The following TECR variants were observed in gnomAD, a reference collection of about 807,000 sequenced individuals.
The protein encoded by TECR is trans-2,3-enoyl-CoA reductase.
In TECR, 19 loss-of-function variants were observed where a neutral mutation model predicts 50.6. That is an observed-to-expected ratio of 0.38 (90% CI 0.26 to 0.55). TECR has a LOEUF of 0.55. Among genes scored for constraint, TECR ranks in the 20% least tolerant of loss-of-function variants. The pLI, the probability that TECR is intolerant of heterozygous loss-of-function variation, is 0.79. For missense variants in TECR, 313 were observed against 408.3 expected, an observed-to-expected ratio of 0.77 and a Z score of 2.01; for synonymous variants, 168 against 163.5, an observed-to-expected ratio of 1.03 and a Z score of -0.21.
At chr19:14,555,565 C>T (rs1221061694) in intron 1 of TECR, among the ~76,000 whole-genome samples, 1 of 151,314 alleles carries the variant, frequency 6.6e-6, no homozygotes, top group East Asian at 1.9e-4. Context: ...TGTGCCTCAG[C>T]CTCCCAAGTG....
intron 1 of TECR, among the ~76,000 whole-genome samples, chr19:14,561,407 T>A (rs1474745484): frequency 6.6e-6 from 1 of 152,050 alleles, no homozygotes; most frequent in East Asian, 1.9e-4. Flanking sequence ...ATAGGGTGGG[T>A]CAGATCCCCG....
intron 12 of TECR, 24 bp downstream of exon 12, chr19:14,565,687 C>T: frequency 1.2e-6 from 2 of 1,611,700 alleles, no homozygotes; most frequent in South Asian, 1.1e-5. Flanking sequence ...CCTCCCTCGG[C>T]GGGGCCCTGC....
At chr19:14,562,205 C>T (rs939578616) in intron 1 of TECR, 2 of 600,814 alleles carry the variant, frequency 3.3e-6, no homozygotes, top group Non-Finnish European at 5.9e-6. Flanking sequence ...ACTCGGGTTA[C>T]ATCTGGCACA....
chr19:14,563,192 T>C lies in TECR; in HGVS notation c.67-14T>C. 6.2e-7 allele frequency: 1 copy of C among 1,613,604 alleles called. No homozygotes were observed. Among genetic ancestry groups the C allele is most frequent in the Non-Finnish European group, 8.5e-7 (1 of 1,179,770 alleles). On this transcript the variant is annotated splice_polypyrimidine_tract_variant and intron_variant, in intron 2 of 12. Coordinates refer to ENST00000215567, the MANE Select transcript of TECR (RefSeq NM_138501.6). The surrounding 1 kb of genome is among the most constrained non-coding windows in gnomAD (Gnocchi z 5.3). ...CCCGCAGAGCTGACGTCCCTGCGCC[T>C]GTGCTTCCCCCAGGTGGAGCCCCAC...
chr19:14,552,968 G>T (rs1294154292), intron 1 of TECR, among the ~76,000 whole-genome samples: 2 of 152,122 alleles, frequency 1.3e-5, no homozygotes, highest in African/African-American at 2.4e-5. Context: ...GGGTGGGCCA[G>T]TGCTCCTCGG....
At chr19:14,559,312 G>A (rs1036828403) in intron 1 of TECR, among the ~76,000 whole-genome samples, 7 of 152,016 alleles carry the variant, frequency 4.6e-5, no homozygotes, top group African/African-American at 1.7e-4. Flanking sequence ...AAAGGAGACC[G>A]GGTACCCAGC....
chr19:14,529,731 G>A lies in TECR; in HGVS notation c.15+20G>A. ...TACGAGGTAAGAAGCGAGAAACAGG[G>A]GCCGTGTGGCCACTGCTGACCCATT... On this transcript the variant is annotated intron_variant, in intron 1 of 12. Coordinates refer to ENST00000215567, the MANE Select transcript of TECR (RefSeq NM_138501.6). 2 of 1,614,046 alleles carry A rather than the reference G, an allele frequency of 1.2e-6. No homozygotes were observed. The highest frequency in any genetic ancestry group is 1.7e-6 in the Non-Finnish European group (2 of 1,180,040).
At chr19:14,535,543 AATATATATATATATATATATAT>A (rs747348455) in intron 1 of TECR, among the ~76,000 whole-genome samples, 1,206 of 32,662 alleles carry the variant, frequency 0.037, 34 homozygotes, top group Middle Eastern at 0.083. Context: ...AAAAAAAAAA[AATATATATATATATATATATAT>A]ATATATATAT....
chr19:14,533,102 ACT>A (rs1188293197), intron 1 of TECR, among the ~76,000 whole-genome samples: 2 of 141,466 alleles, frequency 1.4e-5, no homozygotes, highest in South Asian at 2.2e-4. Flanking sequence ...ACAGAGCGAG[ACT>A]CTGTTTTAAA....
At chr19:14,565,529 G>A (rs1644047667) in intron 11 of TECR, 89 bp from the exon 12 acceptor site, 2 of 1,540,632 alleles carry the variant, frequency 1.3e-6, no homozygotes, top group African/African-American at 1.4e-5. Context: ...CAGAAAGCAG[G>A]GGCGGCGGGA....
Position 14,565,790 on chromosome 19 carries a change from C to T in TECR, c.846C>T (p.Ala282=), listed in dbSNP as rs1379732861. ...LVGFTQMTIW[A]KGKHRSYLKE... ...GCTTCACCCAGATGACCATCTGGGCCAAGGGCAAGCACCGCAGCTACCTGA... is the reference window on the plus strand; with the variant it reads ...GCTTCACCCAGATGACCATCTGGGCTAAGGGCAAGCACCGCAGCTACCTGA... Residue 282 remains alanine, a synonymous_variant, in exon 13 of 13, where the codon GCC becomes GCT. Transcript: ENST00000215567. 5.0e-6 allele frequency: 8 copies of T among 1,608,104 alleles called. No individual in the cohort carries two copies. Among genetic ancestry groups the T allele is most frequent in the Non-Finnish European group, 6.8e-6 (8 of 1,178,178 alleles).
chr19:14,558,564 G>A (rs908178217), intron 1 of TECR, among the ~76,000 whole-genome samples: 1 of 152,116 alleles, frequency 6.6e-6, no homozygotes, highest in African/African-American at 2.4e-5. Context: ...TCATCACAGA[G>A]CCACAGGCCG....
At chr19:14,562,718 G>A in intron 2 of TECR, 143 bp downstream of exon 2, 2 of 918,874 alleles carry the variant, frequency 2.2e-6, no homozygotes, top group Non-Finnish European at 3.5e-6. Flanking sequence ...GGGGTAGGGT[G>A]GATAGCCATG....
chr19:14,529,483 A>T, upstream of TECR: 2 of 687,262 alleles, frequency 2.9e-6, no homozygotes, highest in Non-Finnish European at 5.3e-6. Flanking sequence ...TGCTAGTCCT[A>T]GTCTTGGTTC....
rs756045560 is a variant in TECR, at chr19:14,564,335, ACCCCG to A, written c.489+58_489+62del. 3.4e-5 allele frequency: 33 copies of A among 961,436 alleles called. No homozygotes were observed. In the Admixed American group the frequency reaches 4.5e-4, roughly 13 times the overall value. 59.6% of individuals were successfully genotyped at this position (961,436 alleles called of 1,614,324 possible). A position where few individuals can be genotyped will look rare whatever the true frequency, so the allele number is the denominator to read the frequency against. On this transcript the variant is annotated intron_variant, in intron 7 of 12. Transcript: ENST00000215567. ...CCCCTAAGCCCCGCCTTTCTGCCCC[ACCCCG>A]CCCCGCCCCCACCGAGCCCCACCCC...
chr19:14,559,523 C>A (rs1330693916), intron 1 of TECR, among the ~76,000 whole-genome samples: 1 of 151,134 alleles, frequency 6.6e-6, no homozygotes, highest in Non-Finnish European at 1.5e-5. Flanking sequence ...CCAGGTGGCT[C>A]ACGCCTATAA....
At chr19:14,546,767 C>G (rs1014564973) in intron 1 of TECR, among the ~76,000 whole-genome samples, 6 of 152,196 alleles carry the variant, frequency 3.9e-5, no homozygotes, top group Admixed American at 2.6e-4. Context: ...TTGCTGCAAC[C>G]TCCACCTCTG....
chr19:14,546,319 G>A (rs767005828), intron 1 of TECR, among the ~76,000 whole-genome samples: 7 of 152,044 alleles, frequency 4.6e-5, no homozygotes, highest in Non-Finnish European at 8.8e-5. Context: ...AGGTGTAGTG[G>A]CTCACACCTG....
rs540392987 is a variant in TECR, at chr19:14,563,095, C to G, written c.67-111C>G. 1 of 1,398,516 alleles carries G rather than the reference C, an allele frequency of 7.2e-7. No individual in the cohort carries two copies. Among genetic ancestry groups the G allele is most frequent in the African/African-American group, 1.4e-5 (1 of 70,736 alleles). 86.6% of individuals were successfully genotyped at this position (1,398,516 alleles called of 1,614,324 possible). On this transcript the variant is annotated intron_variant, in intron 2 of 12. Transcript: ENST00000215567. This position sits in a 1 kb window ranked among gnomAD's most constrained non-coding sequence, Gnocchi z 5.3. ...AGAGGCCTGGACCCCAGCCCTTCCC[C>G]CTTCCCATAGCTACAGCCCAACCCC...
Sources: gnomAD v4.1 joint callset for allele counts (sites outside exome capture counted in the v4.1 genomes callset) on GRCh38, gnomAD v4.1.1 for gene constraint, Gnocchi (gnomAD v3.1) non-coding constraint, MANE v1.5 for transcripts, NCBI Gene and HGNC (gene_info 2026-07-23, HGNC 2026-07-21) for gene names.